BTBD9: variants seen among roughly 807,000 people sequenced by gnomAD.
BTBD9 encodes BTB domain containing 9.
A neutral mutation model predicts 64.3 loss-of-function variants in BTBD9; 49 were observed. The observed-to-expected ratio is 0.76, with a 90% CI of 0.61 to 0.97. BTBD9 has a LOEUF of 0.97. BTBD9 is among the 50% of genes least tolerant of loss of function. The pLI, the probability that BTBD9 is intolerant of heterozygous loss-of-function variation, is 0.00. For synonymous variants in BTBD9, 260 were observed against 274.7 expected (o/e 0.95, Z 0.53); for missense variants, 598 against 762.1 (o/e 0.78, Z 2.53).
intron 6 of BTBD9, among the ~76,000 whole-genome samples, chr6:38,533,509 T>C (rs2814881): frequency 0.023 from 3,562 of 152,166 alleles, 139 homozygotes; most frequent in African/African-American, 0.08. Flanking sequence ...AACAAAGAAA[T>C]GTCAGGCTCA....
intron 9 of BTBD9, among the ~76,000 whole-genome samples, chr6:38,255,773 A>G (rs150859986): frequency 6.6e-6 from 1 of 152,178 alleles, no homozygotes; most frequent in African/African-American, 2.4e-5. Flanking sequence ...GAGCCCCATA[A>G]TAACTACTGA....
chr6:38,386,741 C>G (rs1299492402), intron 6 of BTBD9, among the ~76,000 whole-genome samples: 1 of 149,540 alleles, frequency 6.7e-6, no homozygotes, highest in African/African-American at 2.5e-5. Flanking sequence ...CTCCCAGGCT[C>G]AAGCAATCCT....
intron 6 of BTBD9, among the ~76,000 whole-genome samples, chr6:38,570,110 A>T (rs1775694180): frequency 6.6e-6 from 1 of 152,176 alleles, no homozygotes; most frequent in Non-Finnish European, 1.5e-5. Context: ...CCTTTGGAGC[A>T]TTTTAAAACA....
At chr6:38,219,129 CTTTTTTTTTTT>C (rs5875622) in intron 9 of BTBD9, among the ~76,000 whole-genome samples, 3 of 70,886 alleles carry the variant, frequency 4.2e-5, no homozygotes, top group Non-Finnish European at 5.1e-5. Flanking sequence ...ACTTTCTTTT[CTTTTTTTTTTT>C]TTTTTTTTTT....
At chr6:38,463,429 G>C (rs1032327635) in intron 6 of BTBD9, among the ~76,000 whole-genome samples, 1 of 152,242 alleles carries the variant, frequency 6.6e-6, no homozygotes, top group East Asian at 1.9e-4. Context: ...TGGAAGACAT[G>C]AAAGTGGATA....
chr6:38,504,870 G>A (rs989826649), intron 6 of BTBD9, among the ~76,000 whole-genome samples: 9 of 152,158 alleles, frequency 5.9e-5, no homozygotes, highest in Admixed American at 1.3e-4. Flanking sequence ...GAATTAGGTC[G>A]ATTCCGGTGC....
chr6:38,382,459 G>A (rs1765975673), intron 6 of BTBD9, among the ~76,000 whole-genome samples: 1 of 150,098 alleles, frequency 6.7e-6, no homozygotes, highest in Admixed American at 6.6e-5. Context: ...GGAGGCTGCA[G>A]TGAGCTGAGA....
intron 4 of BTBD9, among the ~76,000 whole-genome samples, chr6:38,585,072 G>C (rs1776452950): frequency 6.6e-6 from 1 of 151,870 alleles, no homozygotes; most frequent in African/African-American, 2.4e-5. Flanking sequence ...AAAAATCCTA[G>C]GGTGCTTCCT....
chr6:38,514,241 T>C (rs1175599435), intron 6 of BTBD9, among the ~76,000 whole-genome samples: 6 of 152,244 alleles, frequency 3.9e-5, no homozygotes, highest in Admixed American at 6.5e-5. Context: ...TCAGATGTTA[T>C]GTGTAAAAGT....
intron 4 of BTBD9, among the ~76,000 whole-genome samples, chr6:38,590,082 C>A (rs1406251643): frequency 6.6e-6 from 1 of 151,946 alleles, no homozygotes; most frequent in African/African-American, 2.4e-5. Context: ...TAAGCATTCA[C>A]CAAGCATTCA....
At chr6:38,378,576 T>C (rs1188298735) in intron 6 of BTBD9, among the ~76,000 whole-genome samples, 3 of 151,064 alleles carry the variant, frequency 2.0e-5, no homozygotes, top group African/African-American at 7.3e-5. Context: ...AAAAGTATGG[T>C]TAAGTTGGCA....
chr6:38,201,065 AGGAGG>A (rs1287534523), intron 9 of BTBD9, among the ~76,000 whole-genome samples: 1 of 152,106 alleles, frequency 6.6e-6, no homozygotes, highest in Non-Finnish European at 1.5e-5. Context: ...AAAACCAAAG[AGGAGG>A]GAATACTCCT....
chr6:38,207,880 G>A (rs1023861618), intron 9 of BTBD9, among the ~76,000 whole-genome samples: 1 of 151,972 alleles, frequency 6.6e-6, no homozygotes, highest in African/African-American at 2.4e-5. Context: ...TCCGAGAATG[G>A]GACTTGGGGT....
chr6:38,397,796 A>T (rs1766746686), intron 6 of BTBD9, among the ~76,000 whole-genome samples: 1 of 152,244 alleles, frequency 6.6e-6, no homozygotes, highest in Admixed American at 6.5e-5. Flanking sequence ...AGACAGTGAT[A>T]GATAGGGCTG....
At chr6:38,323,254 C>T (rs1763303910) in intron 7 of BTBD9, among the ~76,000 whole-genome samples, 1 of 152,128 alleles carries the variant, frequency 6.6e-6, no homozygotes, top group South Asian at 2.1e-4. Flanking sequence ...AAACCAAATC[C>T]CCTCCCTCTG....
At chr6:38,377,701 G>A (rs80353482) in intron 6 of BTBD9, among the ~76,000 whole-genome samples, 2 of 152,014 alleles carry the variant, frequency 1.3e-5, no homozygotes, top group African/African-American at 4.8e-5. Context: ...ATTTGAGAAG[G>A]TTATTTTTTA....
intron 6 of BTBD9, among the ~76,000 whole-genome samples, chr6:38,533,161 A>T (rs1173297384): frequency 6.6e-6 from 1 of 152,156 alleles, no homozygotes; most frequent in African/African-American, 2.4e-5. Context: ...TCTGTTGCCT[A>T]CAAGAGACAT....
At chr6:38,535,534 C>T (rs975414058) in intron 6 of BTBD9, among the ~76,000 whole-genome samples, 2 of 151,892 alleles carry the variant, frequency 1.3e-5, no homozygotes, top group Admixed American at 6.6e-5. Context: ...CCATAAAAGA[C>T]CCAGAAGAGC....
At chr6:38,626,878 C>T (rs1352553178) in intron 1 of BTBD9, among the ~76,000 whole-genome samples, 13 of 152,104 alleles carry the variant, frequency 8.5e-5, no homozygotes, top group East Asian at 1.9e-4. Context: ...ACAGTCATCC[C>T]GCCTTGAGAG....
Sources: allele counts gnomAD v4.1 joint callset (sites outside exome capture counted in the v4.1 genomes callset), GRCh38; gene constraint gnomAD v4.1.1; transcripts MANE v1.5; gene names NCBI Gene and HGNC (gene_info 2026-07-23, HGNC 2026-07-21).